CHODL: variants seen among roughly 807,000 people sequenced by gnomAD.
The protein encoded by CHODL is chondrolectin, also known as transmembrane protein MT75.
A neutral mutation model predicts 34.5 loss-of-function variants in CHODL; 29 were observed. That is an observed-to-expected ratio of 0.84 (90% confidence interval 0.63 to 1.15). CHODL has a LOEUF of 1.15. CHODL is among the 50% of genes most tolerant of loss of function. CHODL has a pLI of 0.00. For missense variants in CHODL, 332 were observed against 332.5 expected (o/e 1.00, Z 0.01); for synonymous variants, 125 against 116.1 (o/e 1.08, Z -0.49).
At chr21:18,001,963 T>A (rs1005605684) in intron 1 of CHODL, among the ~76,000 whole-genome samples, 5 of 152,148 alleles carry the variant, frequency 3.3e-5, no homozygotes, top group Non-Finnish European at 7.4e-5. Context: ...AGTAAAGCTA[T>A]CTGAATAATT....
intron 1 of CHODL, among the ~76,000 whole-genome samples, chr21:17,958,142 T>A (rs1476341253): frequency 6.6e-6 from 1 of 152,178 alleles, no homozygotes; most frequent in African/African-American, 2.4e-5. Flanking sequence ...TTGGTCAAGA[T>A]GAAGAATAAT....
intron 2 of CHODL, among the ~76,000 whole-genome samples, chr21:18,236,189 G>A (rs1265912619): frequency 6.6e-6 from 1 of 152,130 alleles, no homozygotes; most frequent in African/African-American, 2.4e-5. Flanking sequence ...TCACAGGGCA[G>A]CAGAAAGAGA....
chr21:18,184,046 T>C (rs1417845952), intron 2 of CHODL, among the ~76,000 whole-genome samples: 1 of 152,226 alleles, frequency 6.6e-6, no homozygotes, highest in Admixed American at 6.5e-5. Flanking sequence ...AAATGAGATT[T>C]AATTACATGA....
intron 2 of CHODL, among the ~76,000 whole-genome samples, chr21:18,071,047 A>AAT (rs1342894111): frequency 1.3e-5 from 2 of 151,684 alleles, no homozygotes; most frequent in Non-Finnish European, 2.9e-5. Flanking sequence ...GATTTTCTTG[A>AAT]ATATATATAT....
intron 2 of CHODL, among the ~76,000 whole-genome samples, chr21:18,114,281 G>T (rs910987562): frequency 2.6e-5 from 4 of 152,088 alleles, no homozygotes; most frequent in African/African-American, 9.7e-5. Context: ...TTAAAATAAA[G>T]AATGTAATTG....
In CHODL at chr21:18,248,149, T is replaced by A. The variant is rs75607043; in HGVS notation, c.79+2847T>A. ...TTTAATATATATCAGTTTAACTTTA[T>A]TAAAACTGGCACATGTTTTATTTAG... On this transcript the variant is annotated intron_variant, in intron 1 of 5. Transcript: ENST00000299295. Among the ~76,000 whole-genome samples the A allele has an allele frequency of 3.4e-4, 52 of 152,084 alleles. No homozygotes were observed. The East Asian group carries it at 7.0e-3, about 20-fold the overall frequency.
intron 1 of CHODL, among the ~76,000 whole-genome samples, chr21:18,017,067 C>T (rs530194225): frequency 6.6e-6 from 1 of 152,288 alleles, no homozygotes; most frequent in South Asian, 2.1e-4. Context: ...TTGGAAGGGA[C>T]TTGTCTTGTC....
chr21:18,111,602 C>G (rs1056772241), intron 2 of CHODL, among the ~76,000 whole-genome samples: 7 of 152,172 alleles, frequency 4.6e-5, no homozygotes, highest in Non-Finnish European at 7.3e-5. Flanking sequence ...CTGGCTCAGA[C>G]ACTTTAATCA....
chr21:18,131,937 T>G (rs1346319086), intron 2 of CHODL, among the ~76,000 whole-genome samples: 7 of 152,184 alleles, frequency 4.6e-5, no homozygotes, highest in Non-Finnish European at 7.4e-5. Flanking sequence ...CCTAATTCTT[T>G]ACCTTCCTAT....
chr21:18,155,998 T>C (rs960498399), intron 2 of CHODL, among the ~76,000 whole-genome samples: 2 of 152,194 alleles, frequency 1.3e-5, no homozygotes, highest in African/African-American at 4.8e-5. Context: ...AGAAGCCAAG[T>C]GCTACTGCTG....
chr21:18,141,503 A>G (rs2072802398), intron 2 of CHODL, among the ~76,000 whole-genome samples: 2 of 152,046 alleles, frequency 1.3e-5, no homozygotes, highest in South Asian at 4.1e-4. Context: ...AGAAATGGGC[A>G]ACACAGAAGA....
chr21:18,018,298 G>A (rs2064094463), intron 1 of CHODL, among the ~76,000 whole-genome samples: 1 of 152,124 alleles, frequency 6.6e-6, no homozygotes, highest in Admixed American at 6.5e-5. Flanking sequence ...GAGGTCAAGG[G>A]TGGAATTATA....
At chr21:18,159,971 C>G (rs1295880853) in intron 2 of CHODL, among the ~76,000 whole-genome samples, 1 of 152,144 alleles carries the variant, frequency 6.6e-6, no homozygotes, top group African/African-American at 2.4e-5. Flanking sequence ...TGCTTTTAAC[C>G]TGAAAAGATC....
At chr21:17,954,102 C>CA (rs1186571889) in intron 1 of CHODL, among the ~76,000 whole-genome samples, 18 of 151,610 alleles carry the variant, frequency 1.2e-4, no homozygotes, top group African/African-American at 4.3e-4. Context: ...AAACATTAAG[C>CA]AAAAAGAAAA....
intron 1 of CHODL, among the ~76,000 whole-genome samples, chr21:18,254,158 A>G (rs2074289203): frequency 6.6e-6 from 1 of 151,610 alleles, no homozygotes; most frequent in Non-Finnish European, 1.5e-5. Context: ...CAGTATTTAA[A>G]TACAAGAATC....
At chr21:18,104,034 G>A (rs778214249) in intron 2 of CHODL, among the ~76,000 whole-genome samples, 23 of 152,060 alleles carry the variant, frequency 1.5e-4, no homozygotes, top group Non-Finnish European at 2.6e-4. Context: ...ATAGAGCCTC[G>A]CACAAAATAT....
chr21:18,024,491 C>T (rs966267675), intron 1 of CHODL, among the ~76,000 whole-genome samples: 14 of 152,150 alleles, frequency 9.2e-5, no homozygotes, highest in African/African-American at 2.7e-4. Flanking sequence ...CTGCCTGATT[C>T]GTGAGCAAAT....
At chr21:18,251,427 ATTTAT>A (rs1232986194) in intron 1 of CHODL, among the ~76,000 whole-genome samples, 1 of 75,612 alleles carries the variant, frequency 1.3e-5, no homozygotes. Flanking sequence ...TATTTTATTT[ATTTAT>A]TTTAATATAT....
chr21:18,070,009 C>CTTCCCTTCCCTTCCA (rs2064779095), intron 2 of CHODL, among the ~76,000 whole-genome samples: 1 of 76,016 alleles, frequency 1.3e-5, no homozygotes, highest in Non-Finnish European at 3.4e-5. Flanking sequence ...CTTCCCTTCC[C>CTTCCCTTCCCTTCCA]TTCCCTTCCC....
Sources: gnomAD v4.1 joint callset for allele counts (sites outside exome capture counted in the v4.1 genomes callset) on GRCh38, gnomAD v4.1.1 for gene constraint, MANE v1.5 for transcripts, NCBI Gene and HGNC (gene_info 2026-07-23, HGNC 2026-07-21) for gene names.